NCOA6: variants seen among roughly 807,000 people sequenced by gnomAD.
The protein encoded by NCOA6 is nuclear receptor coactivator 6.
Under a neutral mutation model 171.4 loss-of-function variants are expected in NCOA6, and 49 were observed. That is an observed-to-expected ratio of 0.29 (90% CI 0.23 to 0.36). The LOEUF (loss-of-function observed/expected upper bound fraction) is 0.36, where lower values mean the gene tolerates loss of function less well. Among genes scored for constraint, NCOA6 ranks in the 10% least tolerant of loss-of-function variants. NCOA6 has a pLI of 1.00. For missense variants in NCOA6, 2,248 were observed against 2,554.5 expected (o/e 0.88, Z 2.59); for synonymous variants, 910 against 927.5 (o/e 0.98, Z 0.34).
chr20:34,715,129 C>G lies in NCOA6; in HGVS notation c.*193G>C. The stretch of plus-strand genomic sequence containing the variant: ...ATTTTAGAAACCTTGAACTTCAACT[C>G]GCAACACCAAAAGGGCTCAACAGTC... On this transcript the variant is annotated 3_prime_UTR_variant, in exon 15 of 15. Coordinates refer to ENST00000359003, the MANE Select transcript of NCOA6 (RefSeq NM_014071.5). 1.7e-6 allele frequency: 1 copy of G among 605,192 alleles called. No homozygotes were observed. Among genetic ancestry groups the G allele is most frequent in the Non-Finnish European group, 2.9e-6 (1 of 350,014 alleles). 37.5% of individuals were successfully genotyped at this position (605,192 alleles called of 1,614,324 possible).
chr20:34,801,497 T>C (rs755095724), intron 1 of NCOA6, among the ~76,000 whole-genome samples: 1 of 151,814 alleles, frequency 6.6e-6, no homozygotes, highest in Non-Finnish European at 1.5e-5. Context: ...AAATCAGAGA[T>C]GAAAAAGGAG....
intron 14 of NCOA6, 42 bp downstream of exon 14, chr20:34,727,217 C>T (rs1362384539): frequency 6.2e-7 from 1 of 1,601,950 alleles, no homozygotes; most frequent in East Asian, 2.2e-5. Context: ...AACTCTATTC[C>T]TCTATTTGAC....
intron 12 of NCOA6, among the ~76,000 whole-genome samples, chr20:34,733,435 G>C (rs2145415911): frequency 2.0e-5 from 3 of 152,248 alleles, no homozygotes; most frequent in Middle Eastern, 6.8e-3. Flanking sequence ...TAAAGGCAAT[G>C]AAGTCAGAGT....
Position 34,793,847 on chromosome 20 carries a change from T to C in NCOA6, c.-163-1284A>G, listed in dbSNP as rs560338758. ...ATGTATATGTGCTTATACAGGCACA[T>C]AAAATAAAAAGATCAATTTGGACAA... On this transcript the variant is annotated intron_variant, in intron 1 of 14. Coordinates refer to ENST00000359003, the MANE Select transcript of NCOA6 (RefSeq NM_014071.5). 2.0e-5 allele frequency among the ~76,000 whole-genome samples: 3 copies of C among 152,140 alleles called. No individual in the cohort carries two copies. The East Asian group carries it at 5.8e-4, about 29-fold the overall frequency.
chr20:34,727,573 G>A (rs1990117392), intron 13 of NCOA6, among the ~76,000 whole-genome samples, 166 bp from the exon 14 acceptor site: 1 of 152,098 alleles, frequency 6.6e-6, no homozygotes, highest in African/African-American at 2.4e-5. Context: ...TGCCTTCTAT[G>A]TTACTGGGGG....
At chr20:34,763,013 C>T (rs1347875889) in intron 5 of NCOA6, among the ~76,000 whole-genome samples, 1 of 152,120 alleles carries the variant, frequency 6.6e-6, no homozygotes, top group African/African-American at 2.4e-5. Flanking sequence ...GTAAATAATA[C>T]GTCTTTTCTT....
chr20:34,776,215 A>G, intron 4 of NCOA6, 78 bp downstream of exon 4: 2 of 1,520,376 alleles, frequency 1.3e-6, no homozygotes, highest in Non-Finnish European at 1.8e-6. Flanking sequence ...GGAACAGACA[A>G]AGCAGCACAG....
At chr20:34,759,600 C>A (rs1292948627) in intron 5 of NCOA6, among the ~76,000 whole-genome samples, 1 of 152,230 alleles carries the variant, frequency 6.6e-6, no homozygotes, top group East Asian at 1.9e-4. Context: ...TATATGCATT[C>A]TTTGTCAGCT....
chr20:34,783,184 G>A (rs1181853320), intron 2 of NCOA6, among the ~76,000 whole-genome samples: 1 of 152,090 alleles, frequency 6.6e-6, no homozygotes, highest in African/African-American at 2.4e-5. Context: ...GGGAGGCTGA[G>A]GCAGGAGAAT....
intron 14 of NCOA6, among the ~76,000 whole-genome samples, chr20:34,725,158 A>C (rs574210987): frequency 2.6e-5 from 4 of 152,348 alleles, no homozygotes; most frequent in Non-Finnish European, 5.9e-5. Context: ...CATATTTGAT[A>C]GATGGTTATT....
In NCOA6 at chr20:34,742,812, G is replaced by A; in HGVS notation, c.3444C>T (p.Asn1148=). The change falls in exon 11 of 15, where the codon AAC becomes AAT. Residue 1148 remains asparagine, a synonymous_variant. Transcript: ENST00000359003. ...GAAGTACTACATGTGAAGGCATGTTGTTTGGGCCTCCTGGGACAGATGGTG... is the reference window on the plus strand; with the variant it reads ...GAAGTACTACATGTGAAGGCATGTTATTTGGGCCTCCTGGGACAGATGGTG... ...SEAPSVPGGP[N]NMPSHVVLPQ... 2.5e-6 allele frequency: 4 copies of A among 1,614,196 alleles called. No individual in the cohort carries two copies. Among genetic ancestry groups the A allele is most frequent in the Non-Finnish European group, 3.4e-6 (4 of 1,180,030 alleles).
chr20:34,737,835 T>C (rs1026269593), intron 11 of NCOA6, among the ~76,000 whole-genome samples: 9 of 152,252 alleles, frequency 5.9e-5, no homozygotes, highest in Non-Finnish European at 1.0e-4. Context: ...TGGATGCTTA[T>C]CTGATAAAGC....
chr20:34,757,663 G>A lies in NCOA6; in HGVS notation c.1085C>T (p.Ser362Phe). Residue 362 changes from serine to phenylalanine, a missense_variant, in exon 7 of 15, where the codon TCC (serine) becomes TTC (phenylalanine). Physicochemically the swap from Ser to Phe is radical, Grantham distance 155. Coordinates refer to ENST00000359003, the MANE Select transcript of NCOA6 (RefSeq NM_014071.5). ...PMQQQLQARP[S>F]LATVQTPSHP... ...GGAAGGCGTCTGTACCGTGGCTAAG[G>A]ATGGTCTTGCCTGGAGTTGCTGTTG... is the stretch of plus-strand genomic sequence containing the variant. 6.2e-7 allele frequency: 1 copy of A among 1,614,184 alleles called. No individual in the cohort carries two copies.
intron 14 of NCOA6, among the ~76,000 whole-genome samples, chr20:34,726,958 A>C (rs1990025251): frequency 6.6e-6 from 1 of 152,190 alleles, no homozygotes; most frequent in Non-Finnish European, 1.5e-5. Flanking sequence ...CTGTTTCAAA[A>C]AAACAAACAA....
intron 7 of NCOA6, 134 bp from the exon 8 acceptor site, chr20:34,755,002 T>C: frequency 1.2e-6 from 1 of 815,692 alleles, no homozygotes; most frequent in South Asian, 2.2e-5. Context: ...GGTAGGATCT[T>C]TAATAATAAG....
chr20:34,759,027 T>C (rs546559174), intron 5 of NCOA6, 94 bp from the exon 6 acceptor site: 3 of 1,416,298 alleles, frequency 2.1e-6, no homozygotes, highest in East Asian at 2.3e-5. Context: ...TATGGAAAAT[T>C]TGTTTTTTTT....
intron 1 of NCOA6, among the ~76,000 whole-genome samples, chr20:34,812,539 A>C (rs1426900064): frequency 2.0e-5 from 3 of 152,170 alleles, no homozygotes; most frequent in Admixed American, 2.0e-4. Context: ...GTAAAACATG[A>C]AACTTGAGAT....
At chr20:34,721,238 C>CAAAAAAAAAAAAAAAAAAAAAAAAAAAAA (rs10531679) in intron 14 of NCOA6, among the ~76,000 whole-genome samples, 2 of 66,048 alleles carry the variant, frequency 3.0e-5, no homozygotes, top group African/African-American at 1.3e-4. Flanking sequence ...TTCCTCTATA[C>CAAAAAAAAAAAAAAAAAAAAAAAAAAAAA]AAAAAAAAAA....
chr20:34,718,752 C>T (rs760382670), intron 14 of NCOA6, among the ~76,000 whole-genome samples: 5 of 152,128 alleles, frequency 3.3e-5, no homozygotes, highest in Admixed American at 6.6e-5. Flanking sequence ...CTGATCTGCC[C>T]GCCTCAGCCT....
Sources: gnomAD v4.1 joint callset for allele counts (sites outside exome capture counted in the v4.1 genomes callset) on GRCh38, gnomAD v4.1.1 for gene constraint, MANE v1.5 for transcripts, NCBI Gene and HGNC (gene_info 2026-07-23, HGNC 2026-07-21) for gene names.